Variants in RIC1 observed in about 807,000 individuals in gnomAD.
RIC1 encodes RIC1 partner of RAB6A GEF complex, also known as guanine nucleotide exchange factor subunit RIC1.
A neutral mutation model predicts 169.0 loss-of-function variants in RIC1; 88 were observed. The observed-to-expected ratio is 0.52, with a 90% confidence interval of 0.44 to 0.62. RIC1 has a LOEUF of 0.62. RIC1 is among the 20% of genes least tolerant of loss of function. The pLI is 0.00. For synonymous variants in RIC1, 790 were observed against 601.5 expected, an observed-to-expected ratio of 1.31 and a Z score of -4.59; for missense variants, 1,877 against 1,725.5, an observed-to-expected ratio of 1.09 and a Z score of -1.56.
intron 1 of RIC1, among the ~76,000 whole-genome samples, chr9:5,640,030 C>G (rs936921854): frequency 1.2e-4 from 19 of 152,114 alleles, no homozygotes; most frequent in Admixed American, 3.3e-4. Context: ...TTCACCCACT[C>G]TCTGTCTTTT....
At chr9:5,657,371 G>C (rs552030704) in intron 2 of RIC1, among the ~76,000 whole-genome samples, 62 of 152,184 alleles carry the variant, frequency 4.1e-4, no homozygotes, top group Non-Finnish European at 4.3e-4. Flanking sequence ...TGCATTAGCA[G>C]TAATATATGT....
chr9:5,693,100 G>A (rs117283443), intron 3 of RIC1, among the ~76,000 whole-genome samples: 3,861 of 152,144 alleles, frequency 0.025, 89 homozygotes, highest in Middle Eastern at 0.078. Context: ...AGTAGAGAAT[G>A]GAAAAAGGAG....
chr9:5,769,315 C>T lies in RIC1; in HGVS notation c.3424+59C>T, dbSNP rs553567020. The T allele has an allele frequency of 5.0e-5, 81 of 1,613,900 alleles. No homozygotes were observed. In the South Asian group the frequency reaches 7.9e-4, roughly 16 times the overall value. On this transcript the variant is annotated intron_variant, in intron 22 of 25. Coordinates refer to ENST00000414202, the MANE Select transcript of RIC1 (RefSeq NM_020829.4). ...AATTGTATTTTACTCCGTGTATTTA[C>T]ACATTTTGCTATTAGTTGATATTCA...
chr9:5,778,463 T>C (rs1170158168), downstream of RIC1, among the ~76,000 whole-genome samples: 1 of 152,204 alleles, frequency 6.6e-6, no homozygotes, highest in Non-Finnish European at 1.5e-5. Flanking sequence ...ATCCTTGTCT[T>C]CTGATCTTAG....
chr9:5,696,670 A>G (rs1821926047), intron 3 of RIC1, among the ~76,000 whole-genome samples: 1 of 152,196 alleles, frequency 6.6e-6, no homozygotes, highest in African/African-American at 2.4e-5. Flanking sequence ...GCTTTTTTAG[A>G]TTCTAATCTC....
intron 1 of RIC1, among the ~76,000 whole-genome samples, chr9:5,632,366 G>A (rs895800772): frequency 6.6e-6 from 1 of 152,118 alleles, no homozygotes; most frequent in African/African-American, 2.4e-5. Context: ...CATTATATGG[G>A]TCTTCTAATG....
At chr9:5,754,452 C>T (rs987879408) in intron 14 of RIC1, among the ~76,000 whole-genome samples, 1 of 151,840 alleles carries the variant, frequency 6.6e-6, no homozygotes, top group African/African-American at 2.4e-5. Flanking sequence ...TTTGGCTGGG[C>T]GTGTGGTGGC....
chr9:5,710,987 A>G (rs1208854264), intron 3 of RIC1, among the ~76,000 whole-genome samples: 1 of 152,174 alleles, frequency 6.6e-6, no homozygotes, highest in Non-Finnish European at 1.5e-5. Context: ...GGAGAAGCTT[A>G]TTATTATATT....
At chr9:5,735,996 T>G (rs374264081) in intron 7 of RIC1, among the ~76,000 whole-genome samples, 2 of 152,316 alleles carry the variant, frequency 1.3e-5, no homozygotes, top group South Asian at 4.1e-4. Context: ...TTCTGTTACA[T>G]TGGGCTGGTG....
intron 3 of RIC1, among the ~76,000 whole-genome samples, chr9:5,699,414 C>T (rs1822091672): frequency 6.6e-6 from 1 of 151,944 alleles, no homozygotes; most frequent in African/African-American, 2.4e-5. Context: ...TGGCCACCTG[C>T]AATTCTGAAC....
In RIC1 at chr9:5,724,296, T is replaced by C. The variant is rs1334900799; in HGVS notation, c.720+3546T>C. ...TCACATCCCTTGTAAGTTGGATTCC[T>C]AGGTATTTTATTCTCTTTGAAGCAA... is the stretch of plus-strand genomic sequence containing the variant. On this transcript the variant is annotated intron_variant, in intron 6 of 25. Transcript: ENST00000414202. Among the ~76,000 whole-genome samples the C allele has an allele frequency of 2.6e-5, 4 of 152,208 alleles. No individual in the cohort carries two copies. In the East Asian group the frequency reaches 7.7e-4, roughly 29 times the overall value.
At chr9:5,746,639 G>C (rs527857975) in intron 11 of RIC1, among the ~76,000 whole-genome samples, 1 of 152,222 alleles carries the variant, frequency 6.6e-6, no homozygotes, top group Non-Finnish European at 1.5e-5. Flanking sequence ...CTGAGGACTT[G>C]CTTTTAGAAA....
In RIC1 at chr9:5,722,348, A is replaced by AGAGAAAGAGTGT. The variant is rs374028302; in HGVS notation, c.720+1599_720+1600insAGAAAGAGTGTG. 2.3e-5 allele frequency among the ~76,000 whole-genome samples: 3 copies of AGAGAAAGAGTGT among 131,298 alleles called. No individual in the cohort carries two copies. The East Asian group carries it at 7.0e-4, about 31-fold the overall frequency. The allele number at this position is 131,298 out of a possible 152,430, so 86.1% of individuals were successfully genotyped here. On this transcript the variant is annotated intron_variant, in intron 6 of 25. Coordinates refer to ENST00000414202, the MANE Select transcript of RIC1 (RefSeq NM_020829.4). ...CTTGCAAAAACTATAAGAGAGAGAG[A>AGAGAAAGAGTGT]GTGTGTGTGTGTGTGTGTGTGTGTG...
chr9:5,644,589 A>G (rs1818411733), intron 1 of RIC1, among the ~76,000 whole-genome samples: 1 of 152,186 alleles, frequency 6.6e-6, no homozygotes, highest in Non-Finnish European at 1.5e-5. Flanking sequence ...TCCATGTGGT[A>G]GTATTCCTTT....
Position 5,720,313 on chromosome 9 carries a change from A to C in RIC1, c.572A>C (p.Gln191Pro). The change falls in exon 5 of 26, where the codon CAG becomes CCG. Residue 191 changes from glutamine (Q) to proline (P), a missense_variant. Physicochemically the swap from Gln to Pro is moderately conservative, Grantham distance 76. Coordinates refer to ENST00000414202, the MANE Select transcript of RIC1 (RefSeq NM_020829.4). ...ACAGTACCCTTTTCAGTAGACCTGCAGTCATCTAGAGGTAGCTATACTTTC... is the reference window on the plus strand; with the variant it reads ...ACAGTACCCTTTTCAGTAGACCTGCCGTCATCTAGAGGTAGCTATACTTTC... ...LCTVPFSVDL[Q>P]SSRVGSFLGF... 6.2e-7 allele frequency: 1 copy of C among 1,612,686 alleles called. No homozygotes were observed. Among genetic ancestry groups the C allele is most frequent in the Non-Finnish European group, 8.5e-7 (1 of 1,179,410 alleles).
At chr9:5,650,464 C>T (rs1817375177) in intron 1 of RIC1, among the ~76,000 whole-genome samples, 1 of 151,966 alleles carries the variant, frequency 6.6e-6, no homozygotes, top group Admixed American at 6.6e-5. Flanking sequence ...ATAGAGAGAG[C>T]CTTGCCTCAG....
chr9:5,722,348 A>AGAGAGAGAGAGTGTGTGTGT (rs374028302), intron 6 of RIC1, among the ~76,000 whole-genome samples: 5 of 131,300 alleles, frequency 3.8e-5, no homozygotes, highest in Non-Finnish European at 8.0e-5. Context: ...AGAGAGAGAG[A>AGAGAGAGAGAGTGTGTGTGT]GTGTGTGTGT....
chr9:5,650,793 T>C (rs988067645), intron 1 of RIC1, among the ~76,000 whole-genome samples: 2 of 152,122 alleles, frequency 1.3e-5, no homozygotes, highest in African/African-American at 2.4e-5. Context: ...CCCCAGTGCA[T>C]TGCACTTGCC....
chr9:5,721,076 G>A (rs144445696), intron 6 of RIC1, among the ~76,000 whole-genome samples: 5 of 152,202 alleles, frequency 3.3e-5, no homozygotes, highest in African/African-American at 1.2e-4. Context: ...CTTAGGCTGT[G>A]TTTATTGACT....
Sources: allele counts gnomAD v4.1 joint callset (sites outside exome capture counted in the v4.1 genomes callset), GRCh38; gene constraint gnomAD v4.1.1; transcripts MANE v1.5; gene names NCBI Gene and HGNC (gene_info 2026-07-23, HGNC 2026-07-21).